MAGT1: variants seen among roughly 807,000 people sequenced by gnomAD.
The protein encoded by MAGT1 is dolichyl-diphosphooligosaccharide--protein glycosyltransferase subunit MAGT1.
Under a neutral mutation model 28.4 loss-of-function variants are expected in MAGT1, and 4 were observed. That is an observed-to-expected ratio of 0.14 (90% CI 0.07 to 0.32). MAGT1 has a LOEUF of 0.32. Ranked by LOEUF, MAGT1 falls within the 10% of genes least tolerant of loss-of-function variation. The probability of loss-of-function intolerance (pLI) is 1.00; values close to 1 mark genes in which losing one functional copy is unlikely to be tolerated. For missense variants in MAGT1, 193 were observed against 264.5 expected, an observed-to-expected ratio of 0.73 and a Z score of 1.88; for synonymous variants, 89 against 89.7, an observed-to-expected ratio of 0.99 and a Z score of 0.04.
At position 77,895,384 on chromosome X, in the gene MAGT1, A is replaced by G. The variant is rs2077095613; in HGVS notation, c.27T>C (p.Cys9=). 4.1e-6 allele frequency: 5 copies of G among 1,212,221 alleles called. No individual in the cohort carries two copies. In the East Asian group the frequency reaches 1.5e-4, roughly 36 times the overall value. The change falls in exon 1 of 10, where the codon TGT becomes TGC. Residue 9 remains cysteine, a synonymous_variant. Transcript: ENST00000618282. ...GCGCCACCACCATGGTCACAGAGAC[A>G]CACCAAAACCGCCAACGCGCTGCCA... MAARWRFW[C]VSVTMVVALL...
rs368934480 is a variant in MAGT1, at chrX:77,870,856, T to A, written c.342A>T (p.Ile114=). 4.8e-5 allele frequency: 58 copies of A among 1,208,864 alleles called. No homozygotes were observed. The highest frequency in any genetic ancestry group is 6.2e-5 in the Non-Finnish European group (55 of 894,111). Residue 114 remains isoleucine (I), a synonymous_variant, in exon 3 of 10, where the codon ATA becomes ATT. Coordinates refer to ENST00000618282, the MANE Select transcript of MAGT1 (RefSeq NM_001367916.1). The part of the protein sequence containing the change: ...WRYSSAFTNR[I]FFAMVDFDEG... ...CATCAAAATCCACCATGGCAAAAAA[T>A]ATCCTGTTGGTGAATGCACTGGAGT...
In MAGT1 at chrX:77,868,137, G is replaced by C. The variant is rs922419061; in HGVS notation, c.390+2671C>G. 13 of 66,903 alleles carry C rather than the reference G, an allele frequency of 1.9e-4. 2 individuals are homozygous for C. The highest frequency in any genetic ancestry group is 4.5e-4 in the African/African-American group (13 of 28,736). The allele number at this position is 66,903 out of a possible 1,213,427, so 5.5% of individuals were successfully genotyped here. On this transcript the variant is annotated intron_variant, in intron 3 of 9. Transcript: ENST00000618282. ...AGTGGAAGAGAAAACAGTTTAATTT[G>C]GGATATAATAAATTTTTAGATTGGG...
At chrX:77,889,344 GTGTACATATATA>G (rs1266704016) in intron 1 of MAGT1, among the ~76,000 whole-genome samples, 3 of 101,275 alleles carry the variant, frequency 3.0e-5, no homozygotes, top group Non-Finnish European at 4.0e-5. Flanking sequence ...GTGTATGTAT[GTGTACATATATA>G]TGTACATATA....
At chrX:77,879,464 CTTT>C in intron 1 of MAGT1, among the ~76,000 whole-genome samples, 1 of 112,108 alleles carries the variant, frequency 8.9e-6, no homozygotes, top group Admixed American at 9.5e-5. Context: ...TTTTGCTCAT[CTTT>C]ATAGAGATAT....
chrX:77,855,187 C>T (rs1300155998), intron 6 of MAGT1, among the ~76,000 whole-genome samples: 2 of 111,215 alleles, frequency 1.8e-5, no homozygotes, highest in Non-Finnish European at 3.8e-5. Flanking sequence ...GTGGCGCATG[C>T]CTGTAATCCC....
intron 7 of MAGT1, among the ~76,000 whole-genome samples, chrX:77,846,376 G>A (rs1557214925): frequency 9.0e-6 from 1 of 111,542 alleles, no homozygotes; most frequent in Non-Finnish European, 1.9e-5. Context: ...CCATGGGTTC[G>A]AACTTCCTCC....
intron 1 of MAGT1, among the ~76,000 whole-genome samples, chrX:77,880,652 C>A (rs1365318237): frequency 9.1e-6 from 1 of 110,070 alleles, no homozygotes; most frequent in Non-Finnish European, 1.9e-5. Flanking sequence ...AAGATATACA[C>A]TCTTGAAAGA....
chrX:77,890,463 A>C (rs2077079213), intron 1 of MAGT1, among the ~76,000 whole-genome samples: 1 of 111,829 alleles, frequency 8.9e-6, no homozygotes, highest in African/African-American at 3.2e-5. Flanking sequence ...CCCTTTCCTT[A>C]GTTTTTAATT....
rs1453582815 is a variant in MAGT1, at chrX:77,859,390, T to C, written c.391-1893A>G. Among the ~76,000 whole-genome samples, 29 of 111,752 alleles carry C rather than the reference T, an allele frequency of 2.6e-4. 1 individual carries two copies. Among genetic ancestry groups the C allele is most frequent in the Non-Finnish European group, 5.6e-5 (3 of 53,258 alleles). On this transcript the variant is annotated intron_variant, in intron 3 of 9. Transcript: ENST00000618282. The stretch of plus-strand genomic sequence containing the variant: ...TATGTTTATACCACCAGAAAACATA[T>C]AATATTGCTGTTTTAACATAAATGG...
intron 1 of MAGT1, 73 bp downstream of exon 1, chrX:77,895,236 G>A: frequency 9.1e-7 from 1 of 1,097,541 alleles, no homozygotes; most frequent in South Asian, 1.9e-5. Flanking sequence ...AAGGGGGCTG[G>A]GAAGAGGCGA....
intron 1 of MAGT1, among the ~76,000 whole-genome samples, chrX:77,879,772 T>A (rs1286319299): frequency 9.3e-6 from 1 of 107,566 alleles, no homozygotes; most frequent in African/African-American, 3.4e-5. Context: ...AACACTTACA[T>A]AGAAACAAAA....
rs1557217712 is a variant in MAGT1 at position 77,875,498 on chromosome X, G to T, written c.202C>A (p.Pro68Thr). 1 of 1,208,448 alleles carries T rather than the reference G, an allele frequency of 8.3e-7. No homozygotes were observed. Among genetic ancestry groups the T allele is most frequent in the Non-Finnish European group, 1.1e-6 (1 of 893,859 alleles). ...ACGATAACGGAGTAATTTCTCGGTG[G>T]GGCTTTCACAAGGCGACGGAACTTG... ...GDKFRRLVKA[P>T]PRNYSVIVMF... The change falls in exon 2 of 10, where the codon CCA (proline) becomes ACA (threonine). Residue 68 changes from proline (P) to threonine (T), a missense_variant. Transcript: ENST00000618282.
chrX:77,892,838 A>C (rs2077087282), intron 1 of MAGT1, among the ~76,000 whole-genome samples: 1 of 111,755 alleles, frequency 8.9e-6, no homozygotes, highest in Non-Finnish European at 1.9e-5. Flanking sequence ...TTATAAAAAG[A>C]AAGAACAGAT....
At chrX:77,844,829 TCTTTTA>T (rs1186204096) in intron 7 of MAGT1, among the ~76,000 whole-genome samples, 1 of 111,759 alleles carries the variant, frequency 8.9e-6, no homozygotes, top group African/African-American at 3.3e-5. Flanking sequence ...TAATTTCTGT[TCTTTTA>T]CTTTTGCTGA....
At chrX:77,877,071 G>A (rs1290399060) in intron 1 of MAGT1, among the ~76,000 whole-genome samples, 1 of 102,495 alleles carries the variant, frequency 9.8e-6, no homozygotes, top group African/African-American at 3.5e-5. Context: ...ATACTTAACT[G>A]TAAAACTATA....
intron 8 of MAGT1, among the ~76,000 whole-genome samples, chrX:77,838,769 A>T (rs2149011569): frequency 9.2e-6 from 1 of 108,942 alleles, no homozygotes; most frequent in Non-Finnish European, 1.9e-5. Flanking sequence ...AAAAAAAAAA[A>T]AAAAAATTCC....
At chrX:77,845,978 G>A (rs1557214876) in intron 7 of MAGT1, among the ~76,000 whole-genome samples, 3 of 109,827 alleles carry the variant, frequency 2.7e-5, no homozygotes, top group East Asian at 2.8e-4. Flanking sequence ...TTGAATGTTC[G>A]CCTGCCTTGC....
chrX:77,843,688 A>T (rs1212513883), intron 7 of MAGT1, among the ~76,000 whole-genome samples: 1 of 111,473 alleles, frequency 9.0e-6, no homozygotes, highest in African/African-American at 3.3e-5. Context: ...GTTTTTTAAA[A>T]TTTTTATTTA....
intron 1 of MAGT1, among the ~76,000 whole-genome samples, chrX:77,879,121 A>G (rs1213396271): frequency 9.0e-6 from 1 of 110,962 alleles, no homozygotes; most frequent in African/African-American, 3.3e-5. Context: ...CAGTGGTGCG[A>G]TCTCACCTCA....
Sources: allele counts gnomAD v4.1 joint callset (sites outside exome capture counted in the v4.1 genomes callset), GRCh38; gene constraint gnomAD v4.1.1; transcripts MANE v1.5; gene names NCBI Gene and HGNC (gene_info 2026-07-23, HGNC 2026-07-21).